The following SPHKAP variants were observed in gnomAD, a reference collection of about 807,000 sequenced individuals.
SPHKAP encodes A-kinase anchor protein SPHKAP.
SPHKAP carries 67 observed loss-of-function variants against 137.5 expected under a neutral mutation model. The ratio of observed to expected loss-of-function variants is 0.49; its 90% CI spans 0.40 to 0.60. SPHKAP has a LOEUF of 0.60. Among genes scored for constraint, SPHKAP ranks in the 20% least tolerant of loss-of-function variants. SPHKAP has a pLI of 0.00. For synonymous variants in SPHKAP, 813 were observed against 785.3 expected (o/e 1.04, Z -0.59); for missense variants, 2,097 against 2,069.3 (o/e 1.01, Z -0.26).
rs886709456 is a variant in SPHKAP, at chr2:228,083,381, G to T, written c.246+25451C>A. 2.0e-5 allele frequency among the ~76,000 whole-genome samples: 3 copies of T among 152,258 alleles called. No individual in the cohort carries two copies. In the South Asian group the frequency reaches 6.2e-4, roughly 32 times the overall value. ...CCTGGCTTTTTAATAATTGCCATTT[G>T]ACTGGTGTGAAATGGTATCTCCTTG... On this transcript the variant is annotated intron_variant, in intron 3 of 11. Coordinates refer to ENST00000392056, the MANE Select transcript of SPHKAP (RefSeq NM_001142644.2).
chr2:228,159,308 T>C (rs934730139), intron 1 of SPHKAP, among the ~76,000 whole-genome samples: 5 of 150,942 alleles, frequency 3.3e-5, no homozygotes, highest in African/African-American at 1.2e-4. Flanking sequence ...AGCAGGGGAG[T>C]TTTTAAGAGC....
At chr2:228,030,689 A>C (rs924594453) in intron 3 of SPHKAP, among the ~76,000 whole-genome samples, 3 of 151,916 alleles carry the variant, frequency 2.0e-5, no homozygotes, top group African/African-American at 7.3e-5. Context: ...TGCCAGGAAT[A>C]TGATATCTAA....
At chr2:228,062,345 G>A (rs1221247616) in intron 3 of SPHKAP, among the ~76,000 whole-genome samples, 1 of 151,774 alleles carries the variant, frequency 6.6e-6, no homozygotes, top group African/African-American at 2.4e-5. Flanking sequence ...GGCTGGTCTC[G>A]AACTCCTGAC....
chr2:228,073,581 C>G (rs57730328), intron 3 of SPHKAP, among the ~76,000 whole-genome samples: 2,821 of 152,284 alleles, frequency 0.019, 85 homozygotes, highest in African/African-American at 0.062. Context: ...ATAACATAAA[C>G]AGAGCCTGAC....
chr2:228,011,561 A>G (rs1160819215), intron 7 of SPHKAP, among the ~76,000 whole-genome samples: 2 of 152,192 alleles, frequency 1.3e-5, no homozygotes, highest in Non-Finnish European at 2.9e-5. Context: ...ATAATTCCTG[A>G]GAATATAGAA....
At chr2:228,154,568 A>G (rs1409188589) in intron 1 of SPHKAP, among the ~76,000 whole-genome samples, 5 of 36,936 alleles carry the variant, frequency 1.4e-4, no homozygotes, top group Non-Finnish European at 2.5e-4. Context: ...TTTTTTTTTG[A>G]GATGGAGTCT....
At chr2:228,037,827 G>A (rs1410532992) in intron 3 of SPHKAP, among the ~76,000 whole-genome samples, 1 of 152,190 alleles carries the variant, frequency 6.6e-6, no homozygotes, top group Non-Finnish European at 1.5e-5. Flanking sequence ...CACATTAACA[G>A]CCCTGAAACC....
intron 1 of SPHKAP, among the ~76,000 whole-genome samples, chr2:228,177,398 A>C (rs913459189): frequency 6.6e-6 from 1 of 152,164 alleles, no homozygotes; most frequent in Admixed American, 6.5e-5. Flanking sequence ...CCCACAGCTC[A>C]GTGCTGGCCT....
chr2:228,103,615 A>T (rs1450499283), intron 3 of SPHKAP, among the ~76,000 whole-genome samples: 5 of 152,188 alleles, frequency 3.3e-5, no homozygotes, highest in Admixed American at 3.3e-4. Context: ...TTGCTCAGGT[A>T]ACTCTTGATG....
intron 3 of SPHKAP, among the ~76,000 whole-genome samples, chr2:228,099,908 G>T (rs1210053834): frequency 6.6e-6 from 1 of 151,664 alleles, no homozygotes; most frequent in Non-Finnish European, 1.5e-5. Context: ...GGAGTGCAGT[G>T]GCGCAATCTC....
intron 7 of SPHKAP, among the ~76,000 whole-genome samples, chr2:228,003,259 G>A (rs1032237873): frequency 2.0e-5 from 3 of 152,146 alleles, no homozygotes; most frequent in Admixed American, 2.0e-4. Context: ...GTGGTTTGTA[G>A]TTCTCCTTGA....
chr2:228,122,053 T>G (rs181669173), intron 2 of SPHKAP, among the ~76,000 whole-genome samples: 264 of 152,234 alleles, frequency 1.7e-3, no homozygotes, highest in Non-Finnish European at 2.6e-3. Context: ...CTAGTCTTTT[T>G]TTTTAAGTAC....
intron 3 of SPHKAP, among the ~76,000 whole-genome samples, chr2:228,079,495 T>C (rs1002517724): frequency 1.1e-4 from 16 of 152,222 alleles, no homozygotes; most frequent in African/African-American, 3.6e-4. Flanking sequence ...AGACCACTCC[T>C]GCAAGATCCA....
intron 3 of SPHKAP, among the ~76,000 whole-genome samples, chr2:228,098,539 A>C (rs1698075069): frequency 1.3e-5 from 2 of 151,616 alleles, no homozygotes; most frequent in South Asian, 4.2e-4. Context: ...GCATGTTCTC[A>C]CTCATAGGTG....
intron 3 of SPHKAP, among the ~76,000 whole-genome samples, chr2:228,092,126 C>T (rs1382793015): frequency 6.6e-5 from 5 of 75,550 alleles, no homozygotes; most frequent in South Asian, 4.1e-4. Flanking sequence ...TATACATATA[C>T]GTATATGTGT....
chr2:228,062,186 T>A (rs1003067689), intron 3 of SPHKAP, among the ~76,000 whole-genome samples: 9 of 150,626 alleles, frequency 6.0e-5, no homozygotes, highest in South Asian at 2.1e-4. Context: ...TTTTTTTTTT[T>A]AAATCTTGTC....
rs1294237451 is a variant in SPHKAP at position 228,016,725 on chromosome 2, T to A, written c.4129A>T (p.Thr1377Ser). 6.2e-7 allele frequency: 1 copy of A among 1,614,088 alleles called. No individual in the cohort carries two copies. The change falls in exon 7 of 12, where the codon ACC becomes TCC. Residue 1377 changes from threonine to serine, a missense_variant. Physicochemically the swap from Thr to Ser is moderately conservative, Grantham distance 58. Transcript: ENST00000392056. ...GACACTGGGGGCTGTTTACATTCGGTAACAGAGTCTTTCCTCGGGCAATCG... is the reference window on the plus strand; with the variant it reads ...GACACTGGGGGCTGTTTACATTCGGAAACAGAGTCTTTCCTCGGGCAATCG... Reference protein sequence around the residue: ...SLDCPRKDSVTECKQPPVSSL... With the variant: ...SLDCPRKDSVSECKQPPVSSL...
At chr2:228,040,433 C>A (rs1695791168) in intron 3 of SPHKAP, among the ~76,000 whole-genome samples, 1 of 152,122 alleles carries the variant, frequency 6.6e-6, no homozygotes, top group Non-Finnish European at 1.5e-5. Context: ...GTTATGCCAC[C>A]CATGCTGTGG....
rs752413575 is a variant in SPHKAP, at chr2:228,025,413, G to A, written c.422C>T (p.Ala141Val). ...TCTTACCTGTGAAACTTCAAAATCT[G>A]CCTGGAGATTTCCAGAGGCTAACCC... ...LSGLASGNLQ[A>V]DFEVSQCPWL... The change falls in exon 5 of 12, where the codon GCA becomes GTA. Residue 141 changes from alanine (A) to valine (V), a missense_variant. Ala to Val is a moderately conservative substitution (Grantham distance 64, BLOSUM62 0). Coordinates refer to ENST00000392056, the MANE Select transcript of SPHKAP (RefSeq NM_001142644.2). The A allele has an allele frequency of 2.5e-6, 4 of 1,613,772 alleles. No homozygotes were observed. The highest frequency in any genetic ancestry group is 2.5e-6 in the Non-Finnish European group (3 of 1,179,874).
Sources: gnomAD v4.1 joint callset for allele counts (sites outside exome capture counted in the v4.1 genomes callset) on GRCh38, gnomAD v4.1.1 for gene constraint, MANE v1.5 for transcripts, NCBI Gene and HGNC (gene_info 2026-07-23, HGNC 2026-07-21) for gene names.